TMEM184C: variants seen among roughly 807,000 people sequenced by gnomAD.
The protein encoded by TMEM184C is transmembrane protein 184C, also known as transmembrane protein 34.
In TMEM184C, 25 loss-of-function variants were observed where a neutral mutation model predicts 54.5. That is an observed-to-expected ratio of 0.46 (90% CI 0.33 to 0.64). The LOEUF (loss-of-function observed/expected upper bound fraction) is 0.64, where lower values mean the gene tolerates loss of function less well. TMEM184C is among the 30% of genes least tolerant of loss of function. The pLI is 0.02. For missense variants in TMEM184C, 335 were observed against 520.3 expected, an observed-to-expected ratio of 0.64 and a Z score of 3.46; for synonymous variants, 148 against 181.5, an observed-to-expected ratio of 0.82 and a Z score of 1.49.
chr4:147,626,181 A>T (rs894177198), intron 4 of TMEM184C, among the ~76,000 whole-genome samples: 3 of 151,850 alleles, frequency 2.0e-5, no homozygotes, highest in Non-Finnish European at 4.4e-5. Context: ...CAGCTGCATG[A>T]CTCCTAAACC....
At chr4:147,618,991 TC>T (rs1210904081) in intron 1 of TMEM184C, among the ~76,000 whole-genome samples, 2 of 152,072 alleles carry the variant, frequency 1.3e-5, no homozygotes, top group African/African-American at 4.8e-5. Flanking sequence ...TGCCTCAGCC[TC>T]CCGAGTAGCT....
intron 1 of TMEM184C, 40 bp from the exon 2 acceptor site, chr4:147,623,794 A>G: frequency 6.2e-7 from 1 of 1,603,024 alleles, no homozygotes; most frequent in Non-Finnish European, 8.5e-7. Context: ...TTTTGTTTTA[A>G]TATCAGAATT....
At position 147,635,125 on chromosome 4, in the gene TMEM184C, T is replaced by G; in HGVS notation, c.*691T>G. 1 of 152,196 alleles carries G rather than the reference T, an allele frequency of 6.6e-6. No homozygotes were observed. Among genetic ancestry groups the G allele is most frequent in the East Asian group, 1.9e-4 (1 of 5,202 alleles). 9.4% of individuals were successfully genotyped at this position (152,196 alleles called of 1,614,324 possible). Reference sequence around the variant, plus strand: ...AGCATAATGCAGAAATACGAATTAGTGGAACTTAATCATGTGCCATATAAG... The same window carrying G: ...AGCATAATGCAGAAATACGAATTAGGGGAACTTAATCATGTGCCATATAAG... On this transcript the variant is annotated 3_prime_UTR_variant, in exon 10 of 10. Transcript: ENST00000296582.
intron 4 of TMEM184C, among the ~76,000 whole-genome samples, chr4:147,625,830 G>A (rs1049227110): frequency 2.6e-5 from 4 of 152,182 alleles, no homozygotes; most frequent in African/African-American, 9.7e-5. Context: ...AATTGCAAAA[G>A]ATAAAGAGTA....
intron 8 of TMEM184C, among the ~76,000 whole-genome samples, chr4:147,633,269 A>ACG (rs1732948821): frequency 6.6e-6 from 1 of 151,748 alleles, no homozygotes; most frequent in Non-Finnish European, 1.5e-5. Flanking sequence ...AATATACTTG[A>ACG]TGTGATTGAG....
At chr4:147,622,117 A>G (rs1013824336) in intron 1 of TMEM184C, among the ~76,000 whole-genome samples, 6 of 148,344 alleles carry the variant, frequency 4.0e-5, no homozygotes, top group Non-Finnish European at 7.4e-5. Context: ...AATTTTTTGT[A>G]TTTTTTGTAG....
intron 7 of TMEM184C, among the ~76,000 whole-genome samples, chr4:147,632,172 CAAAAAAAA>C (rs537342410): frequency 8.1e-6 from 1 of 123,182 alleles, no homozygotes; most frequent in Non-Finnish European, 1.6e-5. Context: ...AACTCTGTCT[CAAAAAAAA>C]AAAAAAAAAG....
chr4:147,628,498 T>C (rs1732854364), intron 5 of TMEM184C, 63 bp downstream of exon 5: 4 of 1,352,588 alleles, frequency 3.0e-6, no homozygotes, highest in Non-Finnish European at 4.2e-6. Context: ...TGGGAACAAC[T>C]AAGTAGAAAA....
rs368093396 is a variant in TMEM184C, at chr4:147,623,814, A to G, written c.124-20A>G. ...TTTTAATATCAGAATTTATATTAAC[A>G]TGTTATTTTGTTTCTTAAGGTTGGA... On this transcript the variant is annotated intron_variant, in intron 1 of 9. Transcript: ENST00000296582. The G allele has an allele frequency of 6.2e-5, 100 of 1,611,392 alleles. No individual in the cohort carries two copies. Among genetic ancestry groups the G allele is most frequent in the Non-Finnish European group, 7.7e-5 (91 of 1,178,772 alleles).
At chr4:147,627,630 T>C (rs1732838265) in intron 4 of TMEM184C, among the ~76,000 whole-genome samples, 1 of 151,984 alleles carries the variant, frequency 6.6e-6, no homozygotes, top group Non-Finnish European at 1.5e-5. Flanking sequence ...AATTTAAAAA[T>C]AGCTGGGTGT....
chr4:147,620,300 G>C (rs1318138641), intron 1 of TMEM184C, among the ~76,000 whole-genome samples: 2 of 151,960 alleles, frequency 1.3e-5, no homozygotes, highest in Non-Finnish European at 2.9e-5. Context: ...CCAAATGACT[G>C]AGTCCCAGTG....
Position 147,632,963 on chromosome 4 carries a change from G to A in TMEM184C, c.840G>A (p.Trp280Ter). The A allele has an allele frequency of 1.2e-6, 2 of 1,613,874 alleles. No individual in the cohort carries two copies. Among genetic ancestry groups the A allele is most frequent in the Non-Finnish European group, 1.7e-6 (2 of 1,179,872 alleles). ...KVGVISEKHT[W>*]EWQTVEAVAT... ...GCGTTATTTCTGAAAAGCATACGTG[G>A]GAATGGCAAACTGTAGAAGCTGTGG... is the stretch of plus-strand genomic sequence containing the variant. Residue 280 changes from tryptophan (W) to a stop codon, truncating the protein, a stop_gained, in exon 8 of 10, where the codon TGG (tryptophan) becomes TGA (stop). Coordinates refer to ENST00000296582, the MANE Select transcript of TMEM184C (RefSeq NM_018241.3). LOFTEE classifies it high-confidence loss of function.
chr4:147,633,578 G>C (rs1181104365), intron 8 of TMEM184C, among the ~76,000 whole-genome samples, 187 bp from the exon 9 acceptor site: 2 of 152,042 alleles, frequency 1.3e-5, no homozygotes, highest in African/African-American at 4.8e-5. Flanking sequence ...TCACATTTTG[G>C]CATTTTGTCT....
At chr4:147,631,691 C>A (rs958443381) in intron 7 of TMEM184C, among the ~76,000 whole-genome samples, 186 bp downstream of exon 7, 4 of 152,004 alleles carry the variant, frequency 2.6e-5, no homozygotes, top group Non-Finnish European at 5.9e-5. Context: ...GTCGCTGTAA[C>A]ATTTATATGA....
chr4:147,619,118 G>A (rs547866007), intron 1 of TMEM184C, among the ~76,000 whole-genome samples: 7 of 152,232 alleles, frequency 4.6e-5, no homozygotes, highest in African/African-American at 1.7e-4. Context: ...ATCTGTCCTC[G>A]GCCTCCCAGA....
chr4:147,620,149 C>A (rs1463870832), intron 1 of TMEM184C, among the ~76,000 whole-genome samples: 2 of 152,162 alleles, frequency 1.3e-5, no homozygotes, highest in African/African-American at 4.8e-5. Context: ...TCAAATGTCA[C>A]CTGACTACTC....
intron 4 of TMEM184C, among the ~76,000 whole-genome samples, chr4:147,625,386 TAGG>T (rs1180058611): frequency 1.3e-5 from 2 of 152,232 alleles, no homozygotes; most frequent in Non-Finnish European, 2.9e-5. Context: ...TGATATGAAG[TAGG>T]AGCAATAAGT....
intron 6 of TMEM184C, among the ~76,000 whole-genome samples, chr4:147,631,138 T>A (rs1732909664): frequency 6.6e-6 from 1 of 152,180 alleles, no homozygotes; most frequent in South Asian, 2.1e-4. Flanking sequence ...TCCATTTATG[T>A]CAATCATTTG....
intron 6 of TMEM184C, among the ~76,000 whole-genome samples, chr4:147,630,498 A>G (rs150361266): frequency 6.6e-6 from 1 of 152,194 alleles, no homozygotes; most frequent in African/African-American, 2.4e-5. Context: ...AAATAACAAA[A>G]GGCTGAAAGC....
Sources: allele counts gnomAD v4.1 joint callset (sites outside exome capture counted in the v4.1 genomes callset), GRCh38; gene constraint gnomAD v4.1.1; transcripts MANE v1.5; gene names NCBI Gene and HGNC (gene_info 2026-07-23, HGNC 2026-07-21).